DPP4: variants seen among roughly 807,000 people sequenced by gnomAD.
The protein encoded by DPP4 is ADCP-2.
In DPP4, 93 loss-of-function variants were observed where a neutral mutation model predicts 122.4. The ratio of observed to expected loss-of-function variants is 0.76; its 90% confidence interval spans 0.64 to 0.90. The LOEUF (loss-of-function observed/expected upper bound fraction) is 0.90, where lower values mean the gene tolerates loss of function less well. Among genes scored for constraint, DPP4 ranks in the 40% least tolerant of loss-of-function variants. DPP4 has a pLI of 0.00. For synonymous variants in DPP4, 321 were observed against 302.9 expected, an observed-to-expected ratio of 1.06 and a Z score of -0.62; for missense variants, 914 against 907.3, an observed-to-expected ratio of 1.01 and a Z score of -0.09.
Position 162,047,495 on chromosome 2 carries a change from T to C in DPP4, c.101A>G (p.Asp34Gly), listed in dbSNP as rs779735291. ...AGTTTTGCGACTGTCAGCTGTAGCA[T>C]CATCTGCTGGTTGAAAGAAAGAGCC... ...PVVLLNKGTDDATADSRKTYT... is the reference protein window; with the variant it reads ...PVVLLNKGTDGATADSRKTYT... Residue 34 changes from aspartate (D) to glycine (G), a missense_variant, in exon 3 of 26, where the codon GAT becomes GGT. Physicochemically the swap from Asp to Gly is moderately conservative, Grantham distance 94. Coordinates refer to ENST00000360534, the MANE Select transcript of DPP4 (RefSeq NM_001935.4). 5.7e-6 allele frequency: 9 copies of C among 1,567,592 alleles called. No homozygotes were observed. The highest frequency in any genetic ancestry group is 7.8e-6 in the Non-Finnish European group (9 of 1,150,112).
intron 23 of DPP4, among the ~76,000 whole-genome samples, chr2:161,997,795 T>C (rs891896219): frequency 3.9e-5 from 6 of 152,180 alleles, no homozygotes; most frequent in African/African-American, 1.4e-4. Flanking sequence ...ACAATTCTCC[T>C]TTCAAGATGG....
chr2:162,050,756 A>T (rs1684355963), intron 2 of DPP4, among the ~76,000 whole-genome samples: 1 of 152,224 alleles, frequency 6.6e-6, no homozygotes, highest in Non-Finnish European at 1.5e-5. Flanking sequence ...GAGTTCTGTG[A>T]GACAAGAGTG....
intron 23 of DPP4, chr2:162,005,532 A>G (rs1701261800): frequency 4.9e-6 from 2 of 411,868 alleles, no homozygotes; most frequent in Non-Finnish European, 4.3e-6. Context: ...ATGAATGCAT[A>G]TTGTGACCTA....
chr2:162,019,268 A>T lies in DPP4; in HGVS notation c.1253T>A (p.Ile418Asn), dbSNP rs200599023. 1 of 1,555,606 alleles carries T rather than the reference A, an allele frequency of 6.4e-7. No individual in the cohort carries two copies. Among genetic ancestry groups the T allele is most frequent in the Non-Finnish European group, 8.8e-7 (1 of 1,132,568 alleles). The change falls in exon 15 of 26, where the codon ATT becomes AAT. Residue 418 changes from isoleucine to asparagine, a missense_variant. Physicochemically the swap from Ile to Asn is moderately radical, Grantham distance 149. Coordinates refer to ENST00000360534, the MANE Select transcript of DPP4 (RefSeq NM_001935.4). ...TGGCATTCCTTTATATTCATTACTA[A>T]TGTAGTATCTAGGAAGAGAAAAAAA... ...EALTSDYLYY[I>N]SNEYKGMPGG...
At chr2:162,000,588 T>C (rs1701122553) in intron 23 of DPP4, among the ~76,000 whole-genome samples, 1 of 152,188 alleles carries the variant, frequency 6.6e-6, no homozygotes, top group South Asian at 2.1e-4. Flanking sequence ...ATTTACAAAA[T>C]TGCACCCTGT....
intron 23 of DPP4, among the ~76,000 whole-genome samples, chr2:161,996,476 G>A (rs1701008022): frequency 6.6e-6 from 1 of 152,204 alleles, no homozygotes. Flanking sequence ...GGGAACCTTG[G>A]TGGTCTGGCA....
chr2:162,055,473 G>C (rs916217029), intron 2 of DPP4, among the ~76,000 whole-genome samples: 3 of 152,076 alleles, frequency 2.0e-5, no homozygotes, highest in Non-Finnish European at 4.4e-5. Context: ...GAGATGGGTG[G>C]ATTGCTTGAG....
intron 11 of DPP4, among the ~76,000 whole-genome samples, chr2:162,024,513 T>C (rs1177569765): frequency 6.6e-6 from 1 of 152,210 alleles, no homozygotes; most frequent in Non-Finnish European, 1.5e-5. Context: ...GTTTTTAAAA[T>C]ATTTACATCA....
intron 22 of DPP4, among the ~76,000 whole-genome samples, chr2:162,006,090 A>G (rs1295125289): frequency 2.6e-5 from 4 of 152,182 alleles, no homozygotes; most frequent in African/African-American, 9.7e-5. Context: ...CCCATTCTCA[A>G]TTTTCCCTTA....
intron 23 of DPP4, among the ~76,000 whole-genome samples, chr2:162,003,903 G>A (rs1701216325): frequency 6.6e-6 from 1 of 152,146 alleles, no homozygotes; most frequent in Non-Finnish European, 1.5e-5. Flanking sequence ...ATACCTATTA[G>A]TTCAAGGTGG....
At chr2:162,032,720 A>AAC (rs374772403) in intron 10 of DPP4, among the ~76,000 whole-genome samples, 22 of 149,302 alleles carry the variant, frequency 1.5e-4, no homozygotes, top group South Asian at 6.3e-4. Context: ...AAAAAAAAAA[A>AAC]CAGCAACAAA....
chr2:162,019,391 C>T, intron 14 of DPP4, 115 bp from the exon 15 acceptor site: 2 of 621,416 alleles, frequency 3.2e-6, no homozygotes, highest in South Asian at 2.4e-5. Flanking sequence ...CACGGGTGCC[C>T]GCCGCCCTCC....
chr2:162,039,889 G>T (rs1395910349), intron 5 of DPP4, among the ~76,000 whole-genome samples: 14 of 151,910 alleles, frequency 9.2e-5, no homozygotes, highest in Non-Finnish European at 5.9e-5. Flanking sequence ...TCAAGTCATC[G>T]AAAAGACTAG....
intron 4 of DPP4, chr2:162,046,683 A>T: frequency 1.7e-6 from 1 of 590,396 alleles, no homozygotes; most frequent in Non-Finnish European, 3.2e-6. Flanking sequence ...ATGAAGATGG[A>T]GCCCCAAGGA....
At chr2:162,039,280 T>C in intron 5 of DPP4, 96 bp from the exon 6 acceptor site, 1 of 1,028,434 alleles carries the variant, frequency 9.7e-7, no homozygotes, top group South Asian at 1.4e-5. Context: ...TAATATATGA[T>C]TGTATAATTC....
intron 12 of DPP4, among the ~76,000 whole-genome samples, chr2:162,022,399 G>A (rs188557531): frequency 1.3e-5 from 2 of 152,304 alleles, no homozygotes; most frequent in East Asian, 1.9e-4. Flanking sequence ...GACAGAACCT[G>A]TGTTTTCTGT....
intron 2 of DPP4, among the ~76,000 whole-genome samples, chr2:162,066,204 T>TCACATGCC (rs1345080299): frequency 6.6e-6 from 1 of 151,916 alleles, no homozygotes; most frequent in Non-Finnish European, 1.5e-5. Flanking sequence ...CCCTCACTCT[T>TCACATGCC]CACATGCCTG....
chr2:162,045,168 A>G (rs1379755305), intron 5 of DPP4, among the ~76,000 whole-genome samples: 3 of 151,994 alleles, frequency 2.0e-5, no homozygotes, highest in East Asian at 1.9e-4. Flanking sequence ...GGCTCTTACT[A>G]TACATAAAGC....
intron 2 of DPP4, among the ~76,000 whole-genome samples, chr2:162,072,020 G>A (rs1685134475): frequency 6.6e-6 from 1 of 152,126 alleles, no homozygotes; most frequent in South Asian, 2.1e-4. Context: ...TTATATATGT[G>A]TGTATCCACA....
Sources: gnomAD v4.1 joint callset for allele counts (sites outside exome capture counted in the v4.1 genomes callset) on GRCh38, gnomAD v4.1.1 for gene constraint, MANE v1.5 for transcripts, NCBI Gene and HGNC (gene_info 2026-07-23, HGNC 2026-07-21) for gene names.